Variants in FBXO42 observed in about 807,000 individuals in gnomAD.
The protein encoded by FBXO42 is F-box only protein 42.
Under a neutral mutation model 71.7 loss-of-function variants are expected in FBXO42, and 12 were observed. The observed-to-expected ratio is 0.17, with a 90% CI of 0.11 to 0.27. FBXO42 has a LOEUF of 0.27. FBXO42 is among the 10% of genes least tolerant of loss of function. The probability of loss-of-function intolerance (pLI) is 1.00; values close to 1 mark genes in which losing one functional copy is unlikely to be tolerated. For synonymous variants in FBXO42, 325 were observed against 327.5 expected (o/e 0.99, Z 0.08); for missense variants, 707 against 911.9 (o/e 0.78, Z 2.89).
intron 1 of FBXO42, among the ~76,000 whole-genome samples, chr1:16,350,757 A>AAGAAAGAAAGAAAGAAAGAAAG (rs1553156685): frequency 4.5e-5 from 2 of 44,268 alleles, no homozygotes; most frequent in Admixed American, 3.8e-4. Flanking sequence ...AAAAAAAAAA[A>AAGAAAGAAAGAAAGAAAGAAAG]AAAGAAAGAA....
At chr1:16,341,674 T>C (rs1024146855) in intron 1 of FBXO42, among the ~76,000 whole-genome samples, 8 of 149,222 alleles carry the variant, frequency 5.4e-5, no homozygotes, top group African/African-American at 2.0e-4. Context: ...CTATTTGATA[T>C]TCTTAAAAGT....
rs745717475 is a variant in FBXO42 at position 16,256,745 on chromosome 1, G to A, written c.517C>T (p.Pro173Ser). 2 of 1,614,136 alleles carry A rather than the reference G, an allele frequency of 1.2e-6. No individual in the cohort carries two copies. Among genetic ancestry groups the A allele is most frequent in the East Asian group, 2.2e-5 (1 of 44,882 alleles). Reference protein sequence around the residue: ...RPLASGSYPSPKAGATLVVYK... With the variant: ...RPLASGSYPSSKAGATLVVYK... Reference sequence around the variant, plus strand: ...ACGACCAGAGTTGCTCCAGCTTTGGGGGAAGGATAGGACCCTAGGGAAAGT... The same window carrying A: ...ACGACCAGAGTTGCTCCAGCTTTGGAGGAAGGATAGGACCCTAGGGAAAGT... Residue 173 changes from proline to serine, a missense_variant, in exon 5 of 10, where the codon CCC (proline) becomes TCC (serine). Around this residue, in one of 5 missense-constraint regions of FBXO42, gnomAD observed 188 missense variants for 230.5 expected, o/e 0.82. Transcript: ENST00000375592.
chr1:16,283,535 T>G (rs2100507056), intron 4 of FBXO42, among the ~76,000 whole-genome samples: 1 of 122,626 alleles, frequency 8.2e-6, no homozygotes, highest in South Asian at 2.9e-4. Context: ...TCTCGCTCTG[T>G]CGCCCAGGCT....
At chr1:16,307,902 C>T (rs2082268773) in intron 2 of FBXO42, among the ~76,000 whole-genome samples, 2 of 152,094 alleles carry the variant, frequency 1.3e-5, no homozygotes. Context: ...AGTCAAAACC[C>T]CAGCAAATTA....
intron 1 of FBXO42, among the ~76,000 whole-genome samples, chr1:16,340,549 C>A (rs1005751894): frequency 1.3e-5 from 2 of 152,060 alleles, no homozygotes; most frequent in African/African-American, 4.8e-5. Flanking sequence ...AAACTCCTGA[C>A]CTCAAGTGAT....
At chr1:16,285,007 G>T (rs1042450009) in intron 4 of FBXO42, among the ~76,000 whole-genome samples, 1 of 140,492 alleles carries the variant, frequency 7.1e-6, no homozygotes, top group African/African-American at 2.7e-5. Flanking sequence ...TTAGCCGGGC[G>T]TGGTGGCACG....
intron 1 of FBXO42, among the ~76,000 whole-genome samples, chr1:16,331,407 T>A (rs1345935131): frequency 6.8e-6 from 1 of 146,272 alleles, no homozygotes; most frequent in Admixed American, 6.8e-5. Flanking sequence ...AGAGCGAGAC[T>A]CTGTCTCAAA....
intron 2 of FBXO42, among the ~76,000 whole-genome samples, chr1:16,308,170 G>A (rs1259532371): frequency 6.6e-6 from 1 of 152,048 alleles, no homozygotes; most frequent in Non-Finnish European, 1.5e-5. Context: ...TAATAGAGGT[G>A]GGGTCTCACT....
At chr1:16,285,480 G>A (rs1335392930) in intron 4 of FBXO42, among the ~76,000 whole-genome samples, 1 of 151,920 alleles carries the variant, frequency 6.6e-6, no homozygotes, top group African/African-American at 2.4e-5. Context: ...CACCATGTTG[G>A]TCAGGTTGGT....
At chr1:16,324,762 G>A (rs2082437291) in intron 1 of FBXO42, among the ~76,000 whole-genome samples, 1 of 152,192 alleles carries the variant, frequency 6.6e-6, no homozygotes, top group African/African-American at 2.4e-5. Flanking sequence ...GCTGCAGTGA[G>A]CCAAGATCGC....
chr1:16,311,924 C>T (rs2100570184), intron 2 of FBXO42, among the ~76,000 whole-genome samples: 1 of 152,254 alleles, frequency 6.6e-6, no homozygotes, highest in South Asian at 2.1e-4. Context: ...TGGATGCTTA[C>T]ACCAGCTTTA....
At chr1:16,321,171 C>A (rs983242593) in intron 1 of FBXO42, among the ~76,000 whole-genome samples, 5 of 152,194 alleles carry the variant, frequency 3.3e-5, no homozygotes, top group South Asian at 2.1e-4. Flanking sequence ...TCAACTGTTA[C>A]ACCCTCCACA....
chr1:16,291,659 A>G (rs1433595982), intron 4 of FBXO42, among the ~76,000 whole-genome samples: 3 of 151,138 alleles, frequency 2.0e-5, no homozygotes, highest in Non-Finnish European at 4.4e-5. Context: ...CAGGATTGTA[A>G]GCGAGAGCCA....
chr1:16,316,996 G>C lies in FBXO42; in HGVS notation c.-17-1561C>G, dbSNP rs903114844. Reference sequence around the variant, plus strand: ...ACATAATGTTAAGCAAAAGAAGATAGAAGGCCGGATGCAGTGGCTCACGCC... The same window carrying C: ...ACATAATGTTAAGCAAAAGAAGATACAAGGCCGGATGCAGTGGCTCACGCC... On this transcript the variant is annotated intron_variant, in intron 1 of 9. Coordinates refer to ENST00000375592, the MANE Select transcript of FBXO42 (RefSeq NM_018994.3). Among the ~76,000 whole-genome samples the C allele has an allele frequency of 1.1e-4, 16 of 152,050 alleles. 1 individual carries two copies. The highest frequency in any genetic ancestry group is 2.2e-4 in the Non-Finnish European group (15 of 67,996).
intron 4 of FBXO42, among the ~76,000 whole-genome samples, chr1:16,282,432 G>A (rs2081974052): frequency 6.6e-6 from 1 of 151,188 alleles, no homozygotes; most frequent in South Asian, 2.1e-4. Flanking sequence ...TGCCACGTTG[G>A]CCAGGGTGGT....
intron 4 of FBXO42, among the ~76,000 whole-genome samples, chr1:16,281,273 A>C (rs1220299633): frequency 6.6e-6 from 1 of 151,970 alleles, no homozygotes; most frequent in African/African-American, 2.4e-5. Flanking sequence ...CGGTTTCCTC[A>C]TTTGTAACAT....
At chr1:16,321,697 T>G (rs190751052) in intron 1 of FBXO42, among the ~76,000 whole-genome samples, 4 of 152,008 alleles carry the variant, frequency 2.6e-5, no homozygotes, top group Non-Finnish European at 5.9e-5. Flanking sequence ...GCAAGGGTTT[T>G]TTTTTTTTTT....
chr1:16,311,497 AAAAAAAATATAT>A (rs1459638463), intron 2 of FBXO42, among the ~76,000 whole-genome samples: 18 of 78,154 alleles, frequency 2.3e-4, no homozygotes, highest in Admixed American at 1.0e-3. Flanking sequence ...CAAAAAAAAA[AAAAAAAATATAT>A]ATATATATAT....
intron 7 of FBXO42, 43 bp downstream of exon 7, chr1:16,253,592 A>G: frequency 1.3e-6 from 2 of 1,587,082 alleles, no homozygotes; most frequent in Non-Finnish European, 1.7e-6. Flanking sequence ...TAACTGAAAG[A>G]CGCTACAGTG....
Sources: allele counts gnomAD v4.1 joint callset (sites outside exome capture counted in the v4.1 genomes callset), GRCh38; gene constraint gnomAD v4.1.1; regional missense constraint gnomAD v4.1.1; transcripts MANE v1.5; gene names NCBI Gene and HGNC (gene_info 2026-07-23, HGNC 2026-07-21).